FGFR3: variants seen among roughly 807,000 people sequenced by gnomAD.
The protein encoded by FGFR3 is fibroblast growth factor receptor 3, also known as FGFR-3.
FGFR3 carries 25 observed loss-of-function variants against 82.9 expected under a neutral mutation model. That is an observed-to-expected ratio of 0.30 (90% CI 0.22 to 0.42). FGFR3 has a LOEUF of 0.42. FGFR3 is among the 10% of genes least tolerant of loss of function. The probability of loss-of-function intolerance (pLI) is 1.00; values close to 1 mark genes in which losing one functional copy is unlikely to be tolerated. For synonymous variants in FGFR3, 620 were observed against 516.0 expected (o/e 1.20, Z -2.73); for missense variants, 1,026 against 1,161.0 (o/e 0.88, Z 1.69).
intron 2 of FGFR3, among the ~76,000 whole-genome samples, chr4:1,795,977 AG>A (rs939762147): frequency 7.9e-5 from 12 of 152,258 alleles, no homozygotes; most frequent in African/African-American, 2.9e-4. Context: ...CCAGCTCCCC[AG>A]CCCTCAGGTC....
intron 10 of FGFR3, among the ~76,000 whole-genome samples, 159 bp from the exon 11 acceptor site, chr4:1,805,196 A>G (rs1387936465): frequency 6.6e-6 from 1 of 151,532 alleles, no homozygotes; most frequent in Admixed American, 6.6e-5. Context: ...TGTGGGTGAC[A>G]CTCTTCGTCC....
chr4:1,807,250 C>T lies in FGFR3; in HGVS notation c.2409C>T (p.Gly803=), dbSNP rs1180851738. 1 of 1,603,328 alleles carries T rather than the reference C, an allele frequency of 6.2e-7. No individual in the cohort carries two copies. Among genetic ancestry groups the T allele is most frequent in the Admixed American group, 1.7e-5 (1 of 59,214 alleles). ...CCCCGGCCCCACCCAGCAGTGGGGG[C>T]TCGCGGACGTGAAGGGCCACTGGTC... ...LLPPAPPSSG[G]SRT Residue 803 remains glycine (G), a synonymous_variant, in exon 18 of 18, where the codon GGC becomes GGT. Coordinates refer to ENST00000440486, the MANE Select transcript of FGFR3 (RefSeq NM_000142.5).
At chr4:1,795,900 A>G (rs1720453835) in intron 2 of FGFR3, among the ~76,000 whole-genome samples, 1 of 152,116 alleles carries the variant, frequency 6.6e-6, no homozygotes. Flanking sequence ...TGGGTGGTTC[A>G]TTAACCTGGG....
chr4:1,805,602 G>T lies in FGFR3; in HGVS notation c.1578G>T (p.Met526Ile), dbSNP rs751213196. The change falls in exon 12 of 18, where the codon ATG (methionine) becomes ATT (isoleucine). Residue 526 changes from methionine (M) to isoleucine (I), a missense_variant. Coordinates refer to ENST00000440486, the MANE Select transcript of FGFR3 (RefSeq NM_000142.5). The stretch of plus-strand genomic sequence containing the variant: ...ACCTGTCGGACCTGGTGTCTGAGAT[G>T]GAGATGATGAAGATGATCGGGAAAC... ...DKDLSDLVSE[M>I]EMMKMIGKHK... is the part of the protein sequence containing the mutation. 2 of 1,613,336 alleles carry T rather than the reference G, an allele frequency of 1.2e-6. No homozygotes were observed. Among genetic ancestry groups the T allele is most frequent in the East Asian group, 4.5e-5 (2 of 44,874 alleles).
At position 1,808,829 on chromosome 4, in the gene FGFR3, C is replaced by T. The variant is rs564336183; in HGVS notation, c.*1567C>T. ...GGCAGGTGCGATTTTGTTAACCCAG[C>T]GACGAACTTTCCGAAAAATAAAGAC... On this transcript the variant is annotated 3_prime_UTR_variant, in exon 18 of 18. Transcript: ENST00000440486. 7 of 228,324 alleles carry T rather than the reference C, an allele frequency of 3.1e-5. No individual in the cohort carries two copies. The highest frequency in any genetic ancestry group is 1.7e-4 in the Admixed American group (3 of 17,626). 14.1% of individuals were successfully genotyped at this position (228,324 alleles called of 1,614,324 possible). A position where few individuals can be genotyped will look rare whatever the true frequency, so the allele number is the denominator to read the frequency against.
At chr4:1,803,254 C>T (rs1456011718) in intron 7 of FGFR3, 9 of 697,784 alleles carry the variant, frequency 1.3e-5, no homozygotes, top group Non-Finnish European at 1.9e-5. Context: ...CTGTGGCCTG[C>T]GCCGACCCTT....
At position 1,801,730 on chromosome 4, in the gene FGFR3, G is replaced by T; in HGVS notation, c.726G>T (p.Thr242=). The change falls in exon 6 of 18, where the codon ACG becomes ACT. Residue 242 remains threonine, a synonymous_variant. Coordinates refer to ENST00000440486, the MANE Select transcript of FGFR3 (RefSeq NM_000142.5). ...TTGGCAGCATCCGGCAGACGTACACGCTGGACGTGCTGGGTGAGGGCCCTG... is the reference window on the plus strand; with the variant it reads ...TTGGCAGCATCCGGCAGACGTACACTCTGGACGTGCTGGGTGAGGGCCCTG... The part of the protein sequence containing the change: ...NKFGSIRQTY[T]LDVLERSPHR... 2 of 1,605,656 alleles carry T rather than the reference G, an allele frequency of 1.2e-6. No individual in the cohort carries two copies. The highest frequency in any genetic ancestry group is 2.2e-5 in the East Asian group (1 of 44,546).
rs2108798313 is a variant in FGFR3 at position 1,804,506 on chromosome 4, C to A, written c.1252C>A (p.Pro418Thr). 6.2e-7 allele frequency: 1 copy of A among 1,612,768 alleles called. No homozygotes were observed. The highest frequency in any genetic ancestry group is 2.2e-5 in the East Asian group (1 of 44,878). The stretch of plus-strand genomic sequence containing the variant: ...CACCGTGCACAAGATCTCCCGCTTC[C>A]CGCTCAAGCGACAGGTAACAGAAAG... ...SPTVHKISRF[P>T]LKRQVSLESN... The change falls in exon 9 of 18, where the codon CCG becomes ACG. Residue 418 changes from proline (P) to threonine (T), a missense_variant. By Grantham distance (38) the Pro-to-Thr change is conservative (BLOSUM62 -1). This residue lies in a region of FGFR3 where 256 missense variants were observed against 217.6 expected (regional missense o/e 1.18). Transcript: ENST00000440486.
In FGFR3 at chr4:1,807,178, C is replaced by A. The variant is rs776520979; in HGVS notation, c.2337C>A (p.Ser779Arg). 2 of 1,604,640 alleles carry A rather than the reference C, an allele frequency of 1.2e-6. No individual in the cohort carries two copies. Among genetic ancestry groups the A allele is most frequent in the Non-Finnish European group, 1.7e-6 (2 of 1,176,334 alleles). ...CCCCGGGTGGCCAGGACACCCCCAG[C>A]TCCAGCTCCTCAGGGGACGACTCCG... ...QYSPGGQDTPSSSSSGDDSVF... is the reference protein window; with the variant it reads ...QYSPGGQDTPRSSSSGDDSVF... Residue 779 changes from serine to arginine, a missense_variant, in exon 18 of 18, where the codon AGC becomes AGA. Ser to Arg is a moderately radical substitution (Grantham distance 110). Transcript: ENST00000440486.
chr4:1,799,334 C>T lies in FGFR3; in HGVS notation c.190C>T (p.Pro64Ser). ...GDAVELSCPP[P>S]GGGPMGPTVW... is the part of the protein sequence containing the mutation. ...TGCTGTGGAGCTGAGCTGTCCCCCG[C>T]CCGGGGGTGGTCCCATGGGGCCCAC... The change falls in exon 3 of 18, where the codon CCC becomes TCC. Residue 64 changes from proline (P) to serine (S), a missense_variant. Pro to Ser is a moderately conservative substitution (Grantham distance 74). This residue lies in a region of FGFR3 where 226 missense variants were observed against 222.0 expected (regional missense o/e 1.02). Transcript: ENST00000440486. The T allele has an allele frequency of 6.2e-7, 1 of 1,612,610 alleles. No individual in the cohort carries two copies. The highest frequency in any genetic ancestry group is 1.1e-5 in the South Asian group (1 of 91,070).
Position 1,801,516 on chromosome 4 carries a change from C to T in FGFR3, c.595C>T (p.His199Tyr), listed in dbSNP as rs1332910351. 6.4e-7 allele frequency: 1 copy of T among 1,568,444 alleles called. No homozygotes were observed. The highest frequency in any genetic ancestry group is 1.9e-5 in the Admixed American group (1 of 52,762). ...LKNGREFRGEHRIGGIKLRHQ... is the reference protein window; with the variant it reads ...LKNGREFRGEYRIGGIKLRHQ... ...GAACGGCAGGGAGTTCCGCGGCGAG[C>T]ACCGCATTGGAGGCATCAAGGTGGG... Residue 199 changes from histidine to tyrosine, a missense_variant, in exon 5 of 18, where the codon CAC (histidine) becomes TAC (tyrosine). This residue lies in a region of FGFR3 where 147 missense variants were observed against 228.1 expected (regional missense o/e 0.64). Transcript: ENST00000440486.
intron 2 of FGFR3, among the ~76,000 whole-genome samples, chr4:1,798,324 C>T (rs1720762717): frequency 1.3e-5 from 2 of 151,990 alleles, no homozygotes; most frequent in South Asian, 2.1e-4. Context: ...TGAGGGGGCC[C>T]CAGTCCCCCT....
chr4:1,803,142 A>G, intron 7 of FGFR3: 3 of 1,406,668 alleles, frequency 2.1e-6, no homozygotes, highest in Non-Finnish European at 2.8e-6. Context: ...CACGCCCCGC[A>G]CGCCCAGCCC....
intron 7 of FGFR3, chr4:1,803,199 A>G (rs2108790954): frequency 1.8e-6 from 2 of 1,108,702 alleles, no homozygotes; most frequent in East Asian, 6.9e-5. Context: ...CCGCCTCGGC[A>G]AGGCTGGCAG....
rs752194597 is a variant in FGFR3, at chr4:1,804,459, C to G, written c.1205C>G (p.Pro402Arg). The change falls in exon 9 of 18, where the codon CCC (proline) becomes CGC (arginine). Residue 402 changes from proline (P) to arginine (R), a missense_variant. By Grantham distance (103) the Pro-to-Arg change is moderately radical. Transcript: ENST00000440486. ...ACGCTCTGCCGCCTGCGCAGCCCCC[C>G]CAAGAAAGGCCTGGGCTCCCCCACC... The part of the protein sequence containing the change: ...AVTLCRLRSP[P>R]KKGLGSPTVH... The G allele has an allele frequency of 8.1e-6, 13 of 1,612,974 alleles. No individual in the cohort carries two copies. The highest frequency in any genetic ancestry group is 1.7e-5 in the Admixed American group (1 of 59,948).
Position 1,806,344 on chromosome 4 carries a change from G to C in FGFR3, c.2030+17G>C, listed in dbSNP as rs758559631. The C allele has an allele frequency of 6.2e-7, 1 of 1,612,872 alleles. No homozygotes were observed. Among genetic ancestry groups the C allele is most frequent in the East Asian group, 2.2e-5 (1 of 44,886 alleles). On this transcript the variant is annotated intron_variant, in intron 15 of 17. Coordinates refer to ENST00000440486, the MANE Select transcript of FGFR3 (RefSeq NM_000142.5). ...GAGTGACGTGTACGTGTCCTGCAGA[G>C]CTCAGGCTTCAGGGGTGGAGGCGGG... is the stretch of plus-strand genomic sequence containing the variant.
In FGFR3 at chr4:1,804,848, A is replaced by C. The variant is rs899570397; in HGVS notation, c.1291A>C (p.Met431Leu). ...GGTGTCCCTGGAGTCCAACGCGTCCATGAGCTCCAACACACCACTGGTGCG... is the reference window on the plus strand; with the variant it reads ...GGTGTCCCTGGAGTCCAACGCGTCCCTGAGCTCCAACACACCACTGGTGCG... ...RQVSLESNAS[M>L]SSNTPLVRIA... The change falls in exon 10 of 18, where the codon ATG (methionine) becomes CTG (leucine). Residue 431 changes from methionine (M) to leucine (L), a missense_variant. By Grantham distance (15) the Met-to-Leu change is conservative. Transcript: ENST00000440486. 6.5e-7 allele frequency: 1 copy of C among 1,549,990 alleles called. No homozygotes were observed. Among genetic ancestry groups the C allele is most frequent in the Non-Finnish European group, 8.7e-7 (1 of 1,146,926 alleles).
chr4:1,802,866 C>A (rs941677795), intron 7 of FGFR3: 1 of 1,545,080 alleles, frequency 6.5e-7, no homozygotes, highest in Non-Finnish European at 8.7e-7. Flanking sequence ...TCGTGCCCGG[C>A]GGGGCTGCCT....
intron 2 of FGFR3, among the ~76,000 whole-genome samples, chr4:1,798,401 T>C (rs956748753): frequency 5.3e-5 from 8 of 151,880 alleles, no homozygotes; most frequent in South Asian, 2.1e-4. Context: ...CTCCCCGGCC[T>C]GTGAGACCCA....
Sources: allele counts gnomAD v4.1 joint callset (sites outside exome capture counted in the v4.1 genomes callset), GRCh38; gene constraint gnomAD v4.1.1; regional missense constraint gnomAD v4.1.1; transcripts MANE v1.5; gene names NCBI Gene and HGNC (gene_info 2026-07-23, HGNC 2026-07-21).